NINL: variants seen among roughly 807,000 people sequenced by gnomAD.
NINL encodes the protein ninein-like protein.
A neutral mutation model predicts 160.3 loss-of-function variants in NINL; 153 were observed. The observed-to-expected ratio is 0.95, with a 90% CI of 0.84 to 1.09. The LOEUF is 1.09. Ranked by LOEUF, NINL falls within the 50% of genes least tolerant of loss-of-function variation. The probability of loss-of-function intolerance (pLI) is 0.00; values close to 1 mark genes in which losing one functional copy is unlikely to be tolerated. For missense variants in NINL, 1,829 were observed against 1,764.0 expected (o/e 1.04, Z -0.66); for synonymous variants, 800 against 734.8 (o/e 1.09, Z -1.43).
chr20:25,473,157 A>C (rs115307306), intron 17 of NINL, among the ~76,000 whole-genome samples: 2,503 of 152,288 alleles, frequency 0.016, 71 homozygotes, highest in African/African-American at 0.058. Flanking sequence ...AAAACAAGCA[A>C]ACTGAATCTA....
intron 5 of NINL, among the ~76,000 whole-genome samples, chr20:25,506,871 C>T (rs1363582588): frequency 6.6e-6 from 1 of 152,196 alleles, no homozygotes. Context: ...TTCTGCCCCA[C>T]ATATTTGATT....
chr20:25,541,011 C>T (rs1344653628), intron 1 of NINL, among the ~76,000 whole-genome samples: 1 of 151,352 alleles, frequency 6.6e-6, no homozygotes, highest in Non-Finnish European at 1.5e-5. Context: ...TAAGCTTATA[C>T]CTCATTTAAG....
chr20:25,526,719 G>T, intron 1 of NINL, 121 bp from the exon 2 acceptor site: 1 of 1,035,834 alleles, frequency 9.7e-7, no homozygotes, highest in East Asian at 2.5e-5. Flanking sequence ...TGGCATGTGG[G>T]GAAGGCACCA....
intron 1 of NINL, among the ~76,000 whole-genome samples, chr20:25,577,499 C>T (rs1403062384): frequency 1.3e-5 from 2 of 152,350 alleles, no homozygotes; most frequent in South Asian, 2.1e-4. Flanking sequence ...GGGGTTGGGA[C>T]AACCTACTCA....
intron 1 of NINL, among the ~76,000 whole-genome samples, chr20:25,528,217 C>G (rs372353172): frequency 1.3e-4 from 20 of 151,974 alleles, no homozygotes; most frequent in African/African-American, 4.8e-4. Context: ...ATTTTTTTAC[C>G]AAGATAGGAG....
intron 1 of NINL, among the ~76,000 whole-genome samples, chr20:25,584,248 A>G (rs2065203961): frequency 1.3e-5 from 2 of 152,226 alleles, no homozygotes; most frequent in African/African-American, 4.8e-5. Flanking sequence ...AGGCAGCTGG[A>G]TCACCTGAAG....
chr20:25,541,759 T>C (rs2064666285), intron 1 of NINL, among the ~76,000 whole-genome samples: 1 of 152,230 alleles, frequency 6.6e-6, no homozygotes, highest in Admixed American at 6.5e-5. Context: ...ATAGTTCCTC[T>C]TTTTTACTGG....
chr20:25,569,608 G>GCCCT (rs2065032147), intron 1 of NINL, among the ~76,000 whole-genome samples: 1 of 152,162 alleles, frequency 6.6e-6, no homozygotes, highest in African/African-American at 2.4e-5. Flanking sequence ...CTCCTGGGAG[G>GCCCT]CCCTGCAGGA....
chr20:25,538,219 C>G (rs2064595035), intron 1 of NINL, among the ~76,000 whole-genome samples: 1 of 152,154 alleles, frequency 6.6e-6, no homozygotes, highest in African/African-American at 2.4e-5. Context: ...CTGTGGTCGC[C>G]AGGTGAGGGG....
At chr20:25,562,227 C>T (rs1315913781) in intron 1 of NINL, among the ~76,000 whole-genome samples, 899 of 105,190 alleles carry the variant, frequency 8.5e-3, no homozygotes, top group African/African-American at 0.018. Flanking sequence ...AGGGGCGCCT[C>T]TGCCCGGCCG....
At chr20:25,479,336 A>G (rs747786995) in intron 15 of NINL, 130 bp from the exon 16 acceptor site, 8 of 1,203,866 alleles carry the variant, frequency 6.6e-6, no homozygotes, top group Non-Finnish European at 9.2e-6. Flanking sequence ...CCGAGGTGCC[A>G]GGGTGTGCAG....
intron 21 of NINL, among the ~76,000 whole-genome samples, chr20:25,460,498 G>T (rs1402791504): frequency 1.3e-5 from 2 of 152,156 alleles, no homozygotes; most frequent in African/African-American, 4.8e-5. Flanking sequence ...CTGAGGAAGT[G>T]CTGGCCTTTT....
intron 3 of NINL, among the ~76,000 whole-genome samples, chr20:25,516,893 G>A (rs1423801793): frequency 1.3e-5 from 2 of 152,152 alleles, no homozygotes; most frequent in East Asian, 3.9e-4. Flanking sequence ...CTTCAAGCTG[G>A]AGAACCGGGA....
chr20:25,453,587 G>A lies in NINL; in HGVS notation c.4013C>T (p.Ala1338Val), dbSNP rs776663077. 7 of 1,613,924 alleles carry A rather than the reference G, an allele frequency of 4.3e-6. No homozygotes were observed. The highest frequency in any genetic ancestry group is 4.0e-5 in the African/African-American group (3 of 74,920). The part of the protein sequence containing the change: ...LLLKELYVEN[A>V]HLVRALQATE... ...GGCCTGAAGTGCTCTCACCAGGTGG[G>A]CGTTCTCCACGTACAGCTCCTTCAG... Residue 1338 changes from alanine (A) to valine (V), a missense_variant, in exon 24 of 24, where the codon GCC (alanine) becomes GTC (valine). Coordinates refer to ENST00000278886, the MANE Select transcript of NINL (RefSeq NM_025176.6).
chr20:25,557,981 A>C (rs1479712770), intron 1 of NINL, among the ~76,000 whole-genome samples: 1 of 151,496 alleles, frequency 6.6e-6, no homozygotes, highest in Non-Finnish European at 1.5e-5. Context: ...ATACAAAAAA[A>C]AAAAAAAAAA....
intron 13 of NINL, among the ~76,000 whole-genome samples, chr20:25,483,211 G>C (rs1329357559): frequency 1.3e-5 from 2 of 151,618 alleles, no homozygotes; most frequent in Non-Finnish European, 2.9e-5. Flanking sequence ...GTGGGCACCT[G>C]TAATCCCAGC....
intron 8 of NINL, chr20:25,499,100 G>A (rs1194825770): frequency 1.0e-6 from 1 of 985,336 alleles, no homozygotes; most frequent in Non-Finnish European, 1.2e-6. Flanking sequence ...TGAAGCAGGT[G>A]CCAGGACGTG....
intron 1 of NINL, among the ~76,000 whole-genome samples, chr20:25,533,764 A>G (rs2064509266): frequency 6.6e-6 from 1 of 152,252 alleles, no homozygotes; most frequent in Non-Finnish European, 1.5e-5. Flanking sequence ...GCTTTCTACA[A>G]TATACAAAAA....
intron 2 of NINL, among the ~76,000 whole-genome samples, chr20:25,525,138 T>G (rs1393887457): frequency 6.6e-6 from 1 of 152,094 alleles, no homozygotes; most frequent in African/African-American, 2.4e-5. Context: ...GAAACCAAAG[T>G]CAGAGAAAGG....
Sources: allele counts gnomAD v4.1 joint callset (sites outside exome capture counted in the v4.1 genomes callset), GRCh38; gene constraint gnomAD v4.1.1; transcripts MANE v1.5; gene names NCBI Gene and HGNC (gene_info 2026-07-23, HGNC 2026-07-21).